The following ZSWIM6 variants were observed in gnomAD, a reference collection of about 807,000 sequenced individuals.
ZSWIM6 encodes the protein zinc finger SWIM-type containing 6.
A neutral mutation model predicts 113.2 loss-of-function variants in ZSWIM6; 9 were observed. The ratio of observed to expected loss-of-function variants is 0.08; its 90% CI spans 0.05 to 0.14. The LOEUF (loss-of-function observed/expected upper bound fraction) is 0.14. Ranked by LOEUF, ZSWIM6 falls within the 10% of genes least tolerant of loss-of-function variation. The pLI, the probability that ZSWIM6 is intolerant of heterozygous loss-of-function variation, is 1.00. For missense variants in ZSWIM6, 1,162 were observed against 1,552.2 expected (o/e 0.75, Z 4.22); for synonymous variants, 611 against 606.5 (o/e 1.01, Z -0.11).
At chr5:61,353,633 A>G (rs181418068) in intron 1 of ZSWIM6, among the ~76,000 whole-genome samples, 1 of 152,320 alleles carries the variant, frequency 6.6e-6, no homozygotes, top group Non-Finnish European at 1.5e-5. Flanking sequence ...ATAAGTAGTA[A>G]TGGATGTGTA....
intron 1 of ZSWIM6, among the ~76,000 whole-genome samples, chr5:61,379,835 T>C (rs1202338704): frequency 6.6e-6 from 1 of 152,196 alleles, no homozygotes; most frequent in Non-Finnish European, 1.5e-5. Context: ...ATTATTAGTA[T>C]GTCTGAGTCC....
intron 1 of ZSWIM6, among the ~76,000 whole-genome samples, chr5:61,342,309 C>T (rs1744567277): frequency 6.6e-6 from 1 of 152,176 alleles, no homozygotes; most frequent in Admixed American, 6.6e-5. Flanking sequence ...TTTCATAGCA[C>T]TTAACCAGGT....
At position 61,332,448 on chromosome 5, in the gene ZSWIM6, G is replaced by T. The variant is rs1744272619; in HGVS notation, c.176G>T (p.Gly59Val). The T allele has an allele frequency of 9.8e-7, 1 of 1,023,692 alleles. No homozygotes were observed. The highest frequency in any genetic ancestry group is 1.2e-6 in the Non-Finnish European group (1 of 857,214). The allele number at this position is 1,023,692 out of a possible 1,614,324, so 63.4% of individuals were successfully genotyped here. The change falls in exon 1 of 14, where the codon GGC becomes GTC. Residue 59 changes from glycine (G) to valine (V), a missense_variant. This residue lies in a region of ZSWIM6 where 333 missense variants were observed against 293.4 expected (regional missense o/e 1.13). Coordinates refer to ENST00000252744, the MANE Select transcript of ZSWIM6 (RefSeq NM_020928.2). ...GCGGCGGCGGCGGCGGCGTGCGGGG[G>T]CGGCGCGGCGCTGGGGTTGCTGCCG... ...GGAAAAAACG[G>V]GAALGLLPPG...
intron 1 of ZSWIM6, chr5:61,391,861 C>G (rs951086741): frequency 2.9e-6 from 2 of 683,764 alleles, no homozygotes; most frequent in African/African-American, 3.6e-5. Flanking sequence ...GGAGAACCTT[C>G]TGTGAGACAT....
At chr5:61,404,331 A>G (rs1285572044) in intron 1 of ZSWIM6, among the ~76,000 whole-genome samples, 1 of 152,124 alleles carries the variant, frequency 6.6e-6, no homozygotes, top group African/African-American at 2.4e-5. Context: ...CAATGGTTAA[A>G]TTTTTATTTA....
chr5:61,491,236 A>AT (rs1011770395), intron 3 of ZSWIM6, among the ~76,000 whole-genome samples: 1 of 151,902 alleles, frequency 6.6e-6, no homozygotes, highest in African/African-American at 2.4e-5. Flanking sequence ...TCAAAATGCC[A>AT]TTTTTTTCAA....
chr5:61,449,701 G>A (rs1255709555), intron 1 of ZSWIM6, among the ~76,000 whole-genome samples: 1 of 152,140 alleles, frequency 6.6e-6, no homozygotes. Flanking sequence ...GCAAAACTGG[G>A]GTTGACAGTA....
At chr5:61,446,171 C>T (rs565619381) in intron 1 of ZSWIM6, among the ~76,000 whole-genome samples, 6 of 152,276 alleles carry the variant, frequency 3.9e-5, no homozygotes, top group East Asian at 1.9e-4. Flanking sequence ...GGACTACAGA[C>T]GCTCCACCAC....
At chr5:61,536,901 A>T (rs77505016) in intron 10 of ZSWIM6, among the ~76,000 whole-genome samples, 10,581 of 152,276 alleles carry the variant, frequency 0.069, 473 homozygotes, top group Non-Finnish European at 0.11. Context: ...GTCCCCCACC[A>T]AATTACATTA....
chr5:61,430,563 C>T (rs150918160), intron 1 of ZSWIM6, among the ~76,000 whole-genome samples: 173 of 152,150 alleles, frequency 1.1e-3, no homozygotes, highest in African/African-American at 3.8e-3. Flanking sequence ...TCTATGTATA[C>T]GCAGATTTTT....
At chr5:61,412,999 T>C (rs1410965367) in intron 1 of ZSWIM6, among the ~76,000 whole-genome samples, 1 of 150,710 alleles carries the variant, frequency 6.6e-6, no homozygotes, top group Non-Finnish European at 1.5e-5. Context: ...GTTTATTTTC[T>C]TTTTTTTTCC....
In ZSWIM6 at chr5:61,521,457, A is replaced by G. The variant is rs540669207; in HGVS notation, c.1513+15A>G. ...TGCCAACCAAGGTGAGTCTACCATA[A>G]TGTTCTGCTTAAATTGTAGCTACTT... On this transcript the variant is annotated intron_variant, in intron 5 of 13. Transcript: ENST00000252744. The G allele has an allele frequency of 1.1e-4, 158 of 1,440,034 alleles. No individual in the cohort carries two copies. The African/African-American group carries it at 2.1e-3, about 19-fold the overall frequency. 89.2% of individuals were successfully genotyped at this position (1,440,034 alleles called of 1,614,324 possible). A position where few individuals can be genotyped will look rare whatever the true frequency, so the allele number is the denominator to read the frequency against.
At chr5:61,533,236 G>A (rs189622556) in intron 9 of ZSWIM6, among the ~76,000 whole-genome samples, 1 of 152,352 alleles carries the variant, frequency 6.6e-6, no homozygotes, top group East Asian at 1.9e-4. Flanking sequence ...GGCAGTCCAA[G>A]GCGGGGAGGC....
chr5:61,494,816 G>A (rs1029337525), intron 4 of ZSWIM6, among the ~76,000 whole-genome samples: 7 of 152,010 alleles, frequency 4.6e-5, no homozygotes, highest in African/African-American at 9.7e-5. Flanking sequence ...AAATTAGTTG[G>A]ATATTCATTT....
intron 1 of ZSWIM6, among the ~76,000 whole-genome samples, chr5:61,393,623 A>C (rs990680311): frequency 1.3e-5 from 2 of 151,914 alleles, no homozygotes; most frequent in Non-Finnish European, 2.9e-5. Context: ...CTGTAATCCC[A>C]GCTGCTCAGG....
chr5:61,521,915 C>T (rs867384369), intron 5 of ZSWIM6, among the ~76,000 whole-genome samples: 2 of 152,052 alleles, frequency 1.3e-5, no homozygotes, highest in Non-Finnish European at 2.9e-5. Context: ...TTTTATGACT[C>T]GACTGAAGGA....
At chr5:61,371,500 GC>G (rs769736465) in intron 1 of ZSWIM6, among the ~76,000 whole-genome samples, 2 of 152,212 alleles carry the variant, frequency 1.3e-5, no homozygotes, top group Admixed American at 6.5e-5. Context: ...AGGCATATTA[GC>G]TAGTGCATGG....
At chr5:61,405,669 G>C (rs1034288182) in intron 1 of ZSWIM6, among the ~76,000 whole-genome samples, 1 of 152,164 alleles carries the variant, frequency 6.6e-6, no homozygotes, top group Non-Finnish European at 1.5e-5. Flanking sequence ...CTTCCATGAG[G>C]CCAAAGTGTA....
chr5:61,366,607 T>TAA, intron 1 of ZSWIM6, among the ~76,000 whole-genome samples: 1 of 152,306 alleles, frequency 6.6e-6, no homozygotes, highest in South Asian at 2.1e-4. Context: ...TATTTAGCTT[T>TAA]CTAGTTTAGC....
Sources: gnomAD v4.1 joint callset for allele counts (sites outside exome capture counted in the v4.1 genomes callset) on GRCh38, gnomAD v4.1.1 for gene constraint, gnomAD v4.1.1 regional missense constraint, MANE v1.5 for transcripts, NCBI Gene and HGNC (gene_info 2026-07-23, HGNC 2026-07-21) for gene names.